Variants in DLG2 observed in about 807,000 individuals in gnomAD.
DLG2 encodes discs large MAGUK scaffold protein 2.
A neutral mutation model predicts 132.5 loss-of-function variants in DLG2; 45 were observed. The ratio of observed to expected loss-of-function variants is 0.34; its 90% CI spans 0.27 to 0.44. DLG2 has a LOEUF of 0.44. DLG2 is among the 20% of genes least tolerant of loss of function. The pLI is 1.00. For synonymous variants in DLG2, 424 were observed against 419.6 expected, an observed-to-expected ratio of 1.01 and a Z score of -0.13; for missense variants, 1,045 against 1,196.9, an observed-to-expected ratio of 0.87 and a Z score of 1.87.
intron 6 of DLG2, among the ~76,000 whole-genome samples, chr11:84,796,834 T>C (rs991294542): frequency 1.4e-4 from 21 of 150,488 alleles, no homozygotes; most frequent in African/African-American, 3.4e-4. Flanking sequence ...TTATTTTTTA[T>C]TATATTTTAT....
At position 84,817,367 on chromosome 11, in the gene DLG2, C is replaced by G. The variant is rs76142366; in HGVS notation, c.358-282636G>C. Among the ~76,000 whole-genome samples, 604 of 152,034 alleles carry G rather than the reference C, an allele frequency of 4.0e-3. 3 individuals carry two copies. The highest frequency in any genetic ancestry group is 0.014 in the African/African-American group (590 of 41,514). On this transcript the variant is annotated intron_variant, in intron 6 of 27. Coordinates refer to ENST00000376104, the MANE Select transcript of DLG2 (RefSeq NM_001142699.3). Reference sequence around the variant, plus strand: ...CTGTACACCAAGGACCTACCTAGGTCCTGAAAAAAGCAGCCCCTTTAGGCT... The same window carrying G: ...CTGTACACCAAGGACCTACCTAGGTGCTGAAAAAAGCAGCCCCTTTAGGCT...
chr11:83,603,860 A>G (rs1297414050), intron 19 of DLG2, among the ~76,000 whole-genome samples: 1 of 152,126 alleles, frequency 6.6e-6, no homozygotes, highest in Non-Finnish European at 1.5e-5. Flanking sequence ...TTCTCCATGT[A>G]TAGTATTCTA....
At chr11:84,693,782 C>T (rs1307417186) in intron 6 of DLG2, among the ~76,000 whole-genome samples, 1 of 151,590 alleles carries the variant, frequency 6.6e-6, no homozygotes, top group Admixed American at 6.6e-5. Context: ...CAATGAGTCA[C>T]ACAGCTTCAG....
At chr11:84,709,706 C>T (rs2060158200) in intron 6 of DLG2, among the ~76,000 whole-genome samples, 1 of 151,826 alleles carries the variant, frequency 6.6e-6, no homozygotes, top group South Asian at 2.1e-4. Flanking sequence ...GATATATAAT[C>T]TCACATTCTC....
Position 85,191,798 on chromosome 11 carries a change from T to C in DLG2, c.187-37147A>G, listed in dbSNP as rs2152533077. On this transcript the variant is annotated intron_variant, in intron 4 of 27. Transcript: ENST00000376104. ...GGCAGACATTCCAGCAACAGATGAATATTGAATACTTCTTATAAGTCTACT... is the reference window on the plus strand; with the variant it reads ...GGCAGACATTCCAGCAACAGATGAACATTGAATACTTCTTATAAGTCTACT... 2.0e-5 allele frequency among the ~76,000 whole-genome samples: 3 copies of C among 152,268 alleles called. No individual in the cohort carries two copies. In the South Asian group the frequency reaches 6.2e-4, roughly 32 times the overall value.
intron 3 of DLG2, among the ~76,000 whole-genome samples, chr11:85,548,503 A>G (rs1164258881): frequency 6.6e-6 from 1 of 152,218 alleles, no homozygotes; most frequent in African/African-American, 2.4e-5. Context: ...GTCCCTTATC[A>G]GAGCTTGAAT....
intron 12 of DLG2, among the ~76,000 whole-genome samples, chr11:83,975,741 T>C (rs2092109738): frequency 6.6e-6 from 1 of 151,742 alleles, no homozygotes; most frequent in Non-Finnish European, 1.5e-5. Context: ...AACTGAGAAG[T>C]GGAGAAGTGG....
intron 6 of DLG2, among the ~76,000 whole-genome samples, chr11:84,618,760 A>C (rs747184693): frequency 6.6e-6 from 1 of 152,086 alleles, no homozygotes; most frequent in Non-Finnish European, 1.5e-5. Flanking sequence ...GACCACCATC[A>C]AGGAGATAGG....
chr11:83,929,074 C>A (rs1341966712), intron 15 of DLG2, among the ~76,000 whole-genome samples: 1 of 135,352 alleles, frequency 7.4e-6, no homozygotes, highest in Non-Finnish European at 1.5e-5. Flanking sequence ...TTAATTATTG[C>A]AAATTAATAA....
intron 10 of DLG2, among the ~76,000 whole-genome samples, chr11:84,094,779 T>G (rs902435491): frequency 3.3e-5 from 5 of 152,196 alleles, no homozygotes; most frequent in African/African-American, 1.2e-4. Context: ...GGGGATTAGC[T>G]TTCAACAGAT....
At chr11:84,153,072 G>A (rs1438996211) in intron 9 of DLG2, among the ~76,000 whole-genome samples, 1 of 152,102 alleles carries the variant, frequency 6.6e-6, no homozygotes, top group African/African-American at 2.4e-5. Flanking sequence ...GTCTGGAAAG[G>A]ATTTTATTTC....
intron 2 of DLG2, among the ~76,000 whole-genome samples, chr11:85,616,730 A>C (rs1488876378): frequency 6.6e-6 from 1 of 152,178 alleles, no homozygotes; most frequent in Non-Finnish European, 1.5e-5. Flanking sequence ...AAACATAAAA[A>C]AGTCTTTGGA....
intron 7 of DLG2, among the ~76,000 whole-genome samples, chr11:84,439,183 T>C (rs1430320110): frequency 6.6e-6 from 1 of 152,244 alleles, no homozygotes; most frequent in African/African-American, 2.4e-5. Context: ...TGATCTTGTT[T>C]CTGACCCTGA....
intron 3 of DLG2, among the ~76,000 whole-genome samples, chr11:85,529,625 T>C (rs1381723051): frequency 6.6e-6 from 1 of 152,174 alleles, no homozygotes; most frequent in Non-Finnish European, 1.5e-5. Context: ...TCATACACTT[T>C]ACAATTTTAA....
chr11:84,202,099 G>A (rs1200197248), intron 8 of DLG2, among the ~76,000 whole-genome samples: 5 of 151,842 alleles, frequency 3.3e-5, no homozygotes, highest in Admixed American at 6.6e-5. Flanking sequence ...TTACAGGCAG[G>A]AGCCACCATG....
chr11:83,460,909 G>T (rs1435912472), intron 27 of DLG2, among the ~76,000 whole-genome samples: 1 of 151,336 alleles, frequency 6.6e-6, no homozygotes, highest in Non-Finnish European at 1.5e-5. Context: ...TTTACAAACT[G>T]CTAAGGCACT....
chr11:84,081,531 T>A (rs946491508), intron 10 of DLG2, among the ~76,000 whole-genome samples: 1 of 152,214 alleles, frequency 6.6e-6, no homozygotes, highest in Non-Finnish European at 1.5e-5. Context: ...TGTGTCCAAG[T>A]GTTCTCATTG....
chr11:84,144,360 C>G (rs11233926), intron 9 of DLG2, among the ~76,000 whole-genome samples: 16 of 152,036 alleles, frequency 1.1e-4, no homozygotes, highest in African/African-American at 3.6e-4. Flanking sequence ...CAGCTTCAAG[C>G]TACTCTTCCA....
intron 3 of DLG2, among the ~76,000 whole-genome samples, chr11:85,591,932 G>A (rs2079379826): frequency 6.6e-6 from 1 of 152,162 alleles, no homozygotes; most frequent in South Asian, 2.1e-4. Context: ...TGTGTAAATG[G>A]ATGGTGAAAA....
Sources: gnomAD v4.1 joint callset for allele counts (sites outside exome capture counted in the v4.1 genomes callset) on GRCh38, gnomAD v4.1.1 for gene constraint, MANE v1.5 for transcripts, NCBI Gene and HGNC (gene_info 2026-07-23, HGNC 2026-07-21) for gene names.